Variants in PARD3B observed in about 807,000 individuals in gnomAD.
PARD3B encodes par-3 family cell polarity regulator beta.
Under a neutral mutation model 130.2 loss-of-function variants are expected in PARD3B, and 103 were observed. That is an observed-to-expected ratio of 0.79 (90% CI 0.67 to 0.93). PARD3B has a LOEUF of 0.93. PARD3B is among the 40% of genes least tolerant of loss of function. The probability of loss-of-function intolerance (pLI) is 0.00; values close to 1 mark genes in which losing one functional copy is unlikely to be tolerated. For synonymous variants in PARD3B, 583 were observed against 553.2 expected, an observed-to-expected ratio of 1.05 and a Z score of -0.76; for missense variants, 1,609 against 1,499.2, an observed-to-expected ratio of 1.07 and a Z score of -1.21.
rs542099134 is a variant in PARD3B, at chr2:204,800,465, A to G, written c.222+114183A>G. On this transcript the variant is annotated intron_variant, in intron 2 of 22. Coordinates refer to ENST00000406610, the MANE Select transcript of PARD3B (RefSeq NM_001302769.2). ...AGACAGAGATCTAGGTAAAAAGTTTATTCAAATGGATAATAACAGAACTTT... is the reference window on the plus strand; with the variant it reads ...AGACAGAGATCTAGGTAAAAAGTTTGTTCAAATGGATAATAACAGAACTTT... 3.3e-5 allele frequency among the ~76,000 whole-genome samples: 5 copies of G among 152,330 alleles called. No individual in the cohort carries two copies. The East Asian group carries it at 9.7e-4, about 29-fold the overall frequency.
chr2:205,193,625 C>CAT (rs2036513385), intron 15 of PARD3B, among the ~76,000 whole-genome samples: 1 of 152,212 alleles, frequency 6.6e-6, no homozygotes, highest in African/African-American at 2.4e-5. Context: ...TTTATCTCAT[C>CAT]CATCTGCCTT....
chr2:205,542,903 C>T (rs2052222262), intron 21 of PARD3B, among the ~76,000 whole-genome samples: 2 of 152,248 alleles, frequency 1.3e-5, no homozygotes, highest in South Asian at 2.1e-4. Context: ...AGAAATGTGG[C>T]AGTCTTAATA....
intron 4 of PARD3B, among the ~76,000 whole-genome samples, chr2:205,098,295 A>G (rs181995397): frequency 3.3e-5 from 5 of 152,288 alleles, no homozygotes; most frequent in African/African-American, 1.2e-4. Context: ...CTGAGTTTTT[A>G]AAACATAATT....
intron 14 of PARD3B, 140 bp downstream of exon 14, chr2:205,186,003 C>T (rs760806139): frequency 3.7e-5 from 25 of 684,104 alleles, no homozygotes; most frequent in African/African-American, 1.4e-4. Context: ...TCCTTTCCAG[C>T]GAAAGCTTCA....
At chr2:204,954,432 A>T (rs1337537361) in intron 2 of PARD3B, among the ~76,000 whole-genome samples, 1 of 152,158 alleles carries the variant, frequency 6.6e-6, no homozygotes, top group Non-Finnish European at 1.5e-5. Context: ...ACATCATTGG[A>T]CCTGTCATGA....
In PARD3B at chr2:204,999,553, A is replaced by G. The variant is rs899735130; in HGVS notation, c.394+34230A>G. On this transcript the variant is annotated intron_variant, in intron 3 of 22. Transcript: ENST00000406610. Reference sequence around the variant, plus strand: ...GTTCCAAGCGCACCCAATCTTTTCTATCCACTGGAGATGAGAACGTTTTCC... The same window carrying G: ...GTTCCAAGCGCACCCAATCTTTTCTGTCCACTGGAGATGAGAACGTTTTCC... Among the ~76,000 whole-genome samples, 7 of 152,290 alleles carry G rather than the reference A, an allele frequency of 4.6e-5. No individual in the cohort carries two copies. In the East Asian group the frequency reaches 5.8e-4, roughly 13 times the overall value.
At chr2:205,488,124 A>G (rs1249940821) in intron 20 of PARD3B, among the ~76,000 whole-genome samples, 1 of 152,166 alleles carries the variant, frequency 6.6e-6, no homozygotes, top group Non-Finnish European at 1.5e-5. Flanking sequence ...GTCTTAAACA[A>G]GGTTAGTTTC....
At chr2:204,961,861 A>G (rs975710786) in intron 2 of PARD3B, among the ~76,000 whole-genome samples, 1 of 152,092 alleles carries the variant, frequency 6.6e-6, no homozygotes, top group African/African-American at 2.4e-5. Context: ...CCTTGATAAG[A>G]GCAGTTTCAG....
chr2:204,718,118 T>C (rs965437004), intron 2 of PARD3B, among the ~76,000 whole-genome samples: 2 of 152,136 alleles, frequency 1.3e-5, no homozygotes, highest in African/African-American at 4.8e-5. Flanking sequence ...GGAAAAATTG[T>C]CAGGACCTGA....
chr2:205,334,834 A>G (rs952807007), intron 18 of PARD3B, among the ~76,000 whole-genome samples: 1 of 152,234 alleles, frequency 6.6e-6, no homozygotes, highest in East Asian at 1.9e-4. Context: ...AGGACAAAGC[A>G]TAAGTGAGAA....
intron 22 of PARD3B, among the ~76,000 whole-genome samples, chr2:205,603,796 A>G (rs2054882363): frequency 6.6e-6 from 1 of 152,080 alleles, no homozygotes; most frequent in Admixed American, 6.6e-5. Flanking sequence ...TCTTGACTCT[A>G]TGCTGCTTGC....
chr2:205,485,838 C>G (rs1056572780), intron 20 of PARD3B, among the ~76,000 whole-genome samples: 4 of 152,286 alleles, frequency 2.6e-5, no homozygotes, highest in Non-Finnish European at 5.9e-5. Context: ...TTATCCTTGT[C>G]TCTTCTCTAA....
intron 1 of PARD3B, among the ~76,000 whole-genome samples, chr2:204,616,931 G>T (rs945379888): frequency 2.6e-5 from 4 of 152,122 alleles, no homozygotes; most frequent in South Asian, 2.1e-4. Flanking sequence ...TATGTGTTAA[G>T]TTCTTTCGTC....
At chr2:205,040,346 G>T (rs764572030) in intron 3 of PARD3B, among the ~76,000 whole-genome samples, 1 of 152,106 alleles carries the variant, frequency 6.6e-6, no homozygotes. Context: ...CCCCTCCTCC[G>T]TGCTCATTTA....
intron 15 of PARD3B, among the ~76,000 whole-genome samples, chr2:205,242,930 G>T (rs1202799198): frequency 1.3e-5 from 2 of 152,140 alleles, no homozygotes; most frequent in African/African-American, 4.8e-5. Context: ...GCTTTGGGAG[G>T]CCAAAGCAGG....
At chr2:204,774,920 G>A (rs1364273893) in intron 2 of PARD3B, among the ~76,000 whole-genome samples, 1 of 152,098 alleles carries the variant, frequency 6.6e-6, no homozygotes, top group Non-Finnish European at 1.5e-5. Flanking sequence ...GCATTTCTCA[G>A]TGCTTTCACA....
chr2:205,379,493 G>T (rs186490691), intron 18 of PARD3B, among the ~76,000 whole-genome samples: 1 of 151,944 alleles, frequency 6.6e-6, no homozygotes, highest in Admixed American at 6.6e-5. Flanking sequence ...TAAAAAAAAA[G>T]CAAACATAGA....
At chr2:205,203,261 A>G (rs2125829506) in intron 15 of PARD3B, among the ~76,000 whole-genome samples, 1 of 152,248 alleles carries the variant, frequency 6.6e-6, no homozygotes, top group East Asian at 1.9e-4. Flanking sequence ...TCAATGGAAA[A>G]ACTGCCCTAT....
At chr2:205,373,365 C>A (rs184897929) in intron 18 of PARD3B, among the ~76,000 whole-genome samples, 2 of 152,264 alleles carry the variant, frequency 1.3e-5, no homozygotes, top group South Asian at 4.2e-4. Flanking sequence ...CCTAAAACTG[C>A]GAACCATTTT....
Sources: allele counts gnomAD v4.1 joint callset (sites outside exome capture counted in the v4.1 genomes callset), GRCh38; gene constraint gnomAD v4.1.1; transcripts MANE v1.5; gene names NCBI Gene and HGNC (gene_info 2026-07-23, HGNC 2026-07-21).